The following TCEA1 variants were observed in gnomAD, a reference collection of about 807,000 sequenced individuals.
TCEA1 encodes the protein transcription elongation factor A protein 1.
Under a neutral mutation model 43.8 loss-of-function variants are expected in TCEA1, and 21 were observed. The ratio of observed to expected loss-of-function variants is 0.48; its 90% CI spans 0.34 to 0.69. The LOEUF (loss-of-function observed/expected upper bound fraction) is 0.69. Among genes scored for constraint, TCEA1 ranks in the 30% least tolerant of loss-of-function variants. The pLI is 0.01. For synonymous variants in TCEA1, 104 were observed against 117.5 expected (o/e 0.88, Z 0.75); for missense variants, 250 against 365.1 (o/e 0.68, Z 2.57).
At chr8:53,990,229 T>A (rs1480239775) in intron 4 of TCEA1, among the ~76,000 whole-genome samples, 1 of 145,956 alleles carries the variant, frequency 6.9e-6, no homozygotes, top group Non-Finnish European at 1.5e-5. Context: ...CAAACAAACC[T>A]TTTTTTTTTG....
In TCEA1 at chr8:53,988,116, C is replaced by G. The variant is rs200590980; in HGVS notation, c.464G>C (p.Gly155Ala). 1.5e-3 allele frequency: 2,478 copies of G among 1,610,740 alleles called. 3 individuals carry two copies. Among genetic ancestry groups the G allele is most frequent in the Middle Eastern group, 5.2e-3 (24 of 4,658 alleles). The change falls in exon 5 of 10, where the codon GGG becomes GCG. Residue 155 changes from glycine (G) to alanine (A), a missense_variant and splice_region_variant. Transcript: ENST00000521604. ...GAAATAACATGCACTGGACTTACCC[C>G]CTGTTCGAAGAGCTGCAGCAAGCAT... ...REMLAAALRT[G>A]DDYIAIGADE...
At chr8:53,976,531 T>C (rs1291987072) in intron 8 of TCEA1, among the ~76,000 whole-genome samples, 2 of 152,148 alleles carry the variant, frequency 1.3e-5, no homozygotes, top group Non-Finnish European at 2.9e-5. Context: ...GCGAACACTT[T>C]GTGATTCTAA....
At chr8:53,973,618 A>T (rs1477795241) in intron 8 of TCEA1, 1 of 569,194 alleles carries the variant, frequency 1.8e-6, no homozygotes, top group African/African-American at 1.9e-5. Flanking sequence ...AAACACTTCA[A>T]TTACAACAAG....
intron 4 of TCEA1, among the ~76,000 whole-genome samples, chr8:53,988,728 G>C (rs1803773431): frequency 6.6e-6 from 1 of 152,060 alleles, no homozygotes; most frequent in Non-Finnish European, 1.5e-5. Context: ...ACCAGAGAAT[G>C]ACAGCTTTCA....
At chr8:53,972,204 G>T in intron 8 of TCEA1, 1 of 326,086 alleles carries the variant, frequency 3.1e-6, no homozygotes, top group Non-Finnish European at 5.9e-6. Flanking sequence ...GGAAGATTTA[G>T]AAAGTGTTAG....
chr8:53,983,354 C>T (rs904206065), intron 7 of TCEA1, among the ~76,000 whole-genome samples: 1 of 152,114 alleles, frequency 6.6e-6, no homozygotes, highest in Non-Finnish European at 1.5e-5. Context: ...TGTTTGTGTA[C>T]AGAAGAAAAA....
At chr8:53,986,842 A>G in intron 6 of TCEA1, 127 bp downstream of exon 6, 1 of 673,278 alleles carries the variant, frequency 1.5e-6, no homozygotes, top group Non-Finnish European at 2.5e-6. Flanking sequence ...TCTCTCTGTA[A>G]AATGGGATGA....
chr8:53,967,935 C>G lies in TCEA1; in HGVS notation c.*169G>C. On this transcript the variant is annotated 3_prime_UTR_variant, in exon 10 of 10. Transcript: ENST00000521604. ...ATTATTATATGGTCTCCCTACTGATCTGAAACTACAGAAGGCATTTAAGGA... is the reference window on the plus strand; with the variant it reads ...ATTATTATATGGTCTCCCTACTGATGTGAAACTACAGAAGGCATTTAAGGA... The G allele has an allele frequency of 4.0e-6, 2 of 498,550 alleles. No homozygotes were observed. The highest frequency in any genetic ancestry group is 7.4e-6 in the Non-Finnish European group (2 of 270,622). 30.9% of individuals were successfully genotyped at this position (498,550 alleles called of 1,614,324 possible). A position where few individuals can be genotyped will look rare whatever the true frequency, so the allele number is the denominator to read the frequency against.
At chr8:53,969,805 T>G (rs1430185133) in intron 9 of TCEA1, among the ~76,000 whole-genome samples, 1 of 152,200 alleles carries the variant, frequency 6.6e-6, no homozygotes, top group Non-Finnish European at 1.5e-5. Context: ...CTGATATGTA[T>G]TTCTGCTCCC....
At chr8:53,992,955 C>CTT (rs34864863) in intron 4 of TCEA1, among the ~76,000 whole-genome samples, 21,950 of 136,142 alleles carry the variant, frequency 0.16, 4,945 homozygotes, top group African/African-American at 0.51. Context: ...TAACAAATGG[C>CTT]TTTTTTTTTT....
Position 53,967,919 on chromosome 8 carries a change from T to A in TCEA1, c.*185A>T, listed in dbSNP as rs1458734904. Reference sequence around the variant, plus strand: ...AAACAGGTACCATAAAATTATTATATGGTCTCCCTACTGATCTGAAACTAC... The same window carrying A: ...AAACAGGTACCATAAAATTATTATAAGGTCTCCCTACTGATCTGAAACTAC... On this transcript the variant is annotated 3_prime_UTR_variant, in exon 10 of 10. Coordinates refer to ENST00000521604, the MANE Select transcript of TCEA1 (RefSeq NM_006756.4). The A allele has an allele frequency of 2.9e-5, 13 of 443,388 alleles. No homozygotes were observed. 27.5% of individuals were successfully genotyped at this position (443,388 alleles called of 1,614,324 possible).
intron 2 of TCEA1, among the ~76,000 whole-genome samples, chr8:54,003,292 T>C (rs191786653): frequency 1.3e-5 from 2 of 152,160 alleles, no homozygotes; most frequent in Non-Finnish European, 2.9e-5. Context: ...GCAATACTAA[T>C]CAAGTCGAAC....
chr8:53,992,617 G>A (rs1200028838), intron 4 of TCEA1, among the ~76,000 whole-genome samples: 7 of 152,086 alleles, frequency 4.6e-5, no homozygotes, highest in Admixed American at 4.6e-4. Flanking sequence ...TCTCAAAACA[G>A]GTATCTGGGC....
rs1293366513 is a variant in TCEA1 at position 53,999,953 on chromosome 8, T to C, written c.224A>G (p.Lys75Arg). The C allele has an allele frequency of 1.3e-6, 2 of 1,581,582 alleles. No homozygotes were observed. Among genetic ancestry groups the C allele is most frequent in the Non-Finnish European group, 1.7e-6 (2 of 1,156,658 alleles). ...GGGAAGATCAATGATACCTAATAAT[T>C]TTTTCCAGGATTTGATGAGAGACTT... is the stretch of plus-strand genomic sequence containing the variant. ...LAKSLIKSWK[K>R]LLDGPSTEKD... The change falls in exon 3 of 10, where the codon AAA becomes AGA. Residue 75 changes from lysine to arginine, a missense_variant. Coordinates refer to ENST00000521604, the MANE Select transcript of TCEA1 (RefSeq NM_006756.4).
chr8:54,003,095 TA>T (rs1443830180), intron 2 of TCEA1: 1 of 456,114 alleles, frequency 2.2e-6, no homozygotes, highest in African/African-American at 2.0e-5. Context: ...CACTAAATCT[TA>T]AGGTAAAAAA....
intron 4 of TCEA1, among the ~76,000 whole-genome samples, chr8:53,992,506 A>G (rs866418407): frequency 4.6e-5 from 7 of 152,086 alleles, no homozygotes; most frequent in Non-Finnish European, 7.4e-5. Context: ...GCTACTTGGG[A>G]AGCTGAGGCA....
chr8:54,000,781 C>T (rs867862445), intron 2 of TCEA1, among the ~76,000 whole-genome samples: 100 of 134,744 alleles, frequency 7.4e-4, no homozygotes, highest in African/African-American at 3.0e-3. Context: ...TTTTTTGAGA[C>T]GGACTCTCAC....
At chr8:53,992,406 A>C (rs1803910973) in intron 4 of TCEA1, among the ~76,000 whole-genome samples, 1 of 152,018 alleles carries the variant, frequency 6.6e-6, no homozygotes, top group South Asian at 2.1e-4. Context: ...TGAAATCAGG[A>C]GTTCAAGACC....
At chr8:54,002,764 T>C (rs1448025401) in intron 2 of TCEA1, 8 of 385,246 alleles carry the variant, frequency 2.1e-5, no homozygotes, top group South Asian at 1.4e-4. Context: ...TTATAACTGT[T>C]TTCTTGACTG....
Sources: allele counts gnomAD v4.1 joint callset (sites outside exome capture counted in the v4.1 genomes callset), GRCh38; gene constraint gnomAD v4.1.1; transcripts MANE v1.5; gene names NCBI Gene and HGNC (gene_info 2026-07-23, HGNC 2026-07-21).